The following GNA14 variants were observed in gnomAD, a reference collection of about 807,000 sequenced individuals.
The protein encoded by GNA14 is guanine nucleotide-binding protein subunit alpha-14.
A neutral mutation model predicts 42.0 loss-of-function variants in GNA14; 50 were observed. That is an observed-to-expected ratio of 1.19 (90% CI 0.95 to 1.51). The LOEUF (loss-of-function observed/expected upper bound fraction) is 1.51. GNA14 is among the 40% of genes most tolerant of loss of function. The probability of loss-of-function intolerance (pLI) is 0.00; values close to 1 mark genes in which losing one functional copy is unlikely to be tolerated. For synonymous variants in GNA14, 173 were observed against 163.1 expected (o/e 1.06, Z -0.46); for missense variants, 473 against 446.2 (o/e 1.06, Z -0.54).
At chr9:77,487,810 G>A (rs903814537) in intron 2 of GNA14, among the ~76,000 whole-genome samples, 1 of 152,182 alleles carries the variant, frequency 6.6e-6, no homozygotes, top group Non-Finnish European at 1.5e-5. Context: ...GCCATCCTGA[G>A]CATGATCTAG....
At chr9:77,518,348 C>T (rs551149122) in intron 2 of GNA14, among the ~76,000 whole-genome samples, 33 of 152,276 alleles carry the variant, frequency 2.2e-4, no homozygotes, top group South Asian at 1.0e-3. Flanking sequence ...GGGCTCCACA[C>T]ATCAGTGAAT....
intron 2 of GNA14, among the ~76,000 whole-genome samples, chr9:77,458,512 C>T (rs1564020313): frequency 6.6e-6 from 1 of 152,166 alleles, no homozygotes; most frequent in Non-Finnish European, 1.5e-5. Context: ...GCCCAGATAT[C>T]AAAGTCTCAT....
intron 1 of GNA14, among the ~76,000 whole-genome samples, chr9:77,552,102 T>G (rs2131782570): frequency 7.3e-6 from 1 of 136,978 alleles, no homozygotes; most frequent in East Asian, 2.1e-4. Context: ...ATCAAGCCTT[T>G]GCAGCAGGAG....
In GNA14 at chr9:77,622,731, C is replaced by CAAAAAAAA. The variant is rs71503227; in HGVS notation, c.124+24931_124+24938dup. Among the ~76,000 whole-genome samples the CAAAAAAAA allele has an allele frequency of 1.3e-3, 156 of 122,770 alleles. 3 individuals carry two copies. The highest frequency in any genetic ancestry group is 4.5e-3 in the African/African-American group (143 of 31,850). The allele number at this position is 122,770 out of a possible 152,430, so 80.5% of individuals were successfully genotyped here. On this transcript the variant is annotated intron_variant, in intron 1 of 6. Transcript: ENST00000341700. ...GAAAACCCCGTCTCTACTAAAAATA[C>CAAAAAAAA]AAAAAAAAGAAAAATAGCCAGGCGT... is the stretch of plus-strand genomic sequence containing the variant.
chr9:77,452,573 T>TG (rs2131705133), intron 2 of GNA14, among the ~76,000 whole-genome samples: 4 of 101,108 alleles, frequency 4.0e-5, no homozygotes, highest in Non-Finnish European at 3.9e-5. Flanking sequence ...TGTGTGTGTA[T>TG]GTGCATGTGT....
intron 1 of GNA14, among the ~76,000 whole-genome samples, chr9:77,543,310 C>T (rs1443592772): frequency 2.0e-5 from 3 of 152,188 alleles, no homozygotes; most frequent in Non-Finnish European, 2.9e-5. Context: ...TTATGGGTTT[C>T]TCACGTCTTA....
Position 77,424,050 on chromosome 9 carries a change from T to C in GNA14, c.997A>G (p.Ile333Val), listed in dbSNP as rs1835414755. 1 of 1,611,422 alleles carries C rather than the reference T, an allele frequency of 6.2e-7. No individual in the cohort carries two copies. Among genetic ancestry groups the C allele is most frequent in the South Asian group, 1.1e-5 (1 of 90,430 alleles). The change falls in exon 7 of 7, where the codon ATT becomes GTT. Residue 333 changes from isoleucine to valine, a missense_variant. By Grantham distance (29) the Ile-to-Val change is conservative (BLOSUM62 3). Transcript: ENST00000341700. ...HFTCATDTDN[I>V]RFVFAAVKDT... ...TTGACAGCAGCAAACACAAAGCGAA[T>C]ATTGTCTGTATCTGTAGCACATGTG...
chr9:77,597,412 A>G (rs546579646), intron 1 of GNA14, among the ~76,000 whole-genome samples: 24 of 152,286 alleles, frequency 1.6e-4, no homozygotes, highest in African/African-American at 5.5e-4. Flanking sequence ...CCTTGAGTGG[A>G]CACAGTATAA....
At chr9:77,646,664 G>C (rs764066052) in intron 1 of GNA14, among the ~76,000 whole-genome samples, 6 of 152,156 alleles carry the variant, frequency 3.9e-5, no homozygotes, top group Non-Finnish European at 8.8e-5. Context: ...TGTTCAAAAG[G>C]GGTGAAAGAA....
chr9:77,645,823 T>G (rs1587860052), intron 1 of GNA14, among the ~76,000 whole-genome samples: 1 of 152,318 alleles, frequency 6.6e-6, no homozygotes, highest in East Asian at 1.9e-4. Flanking sequence ...ACACTGTACT[T>G]CATACATTGA....
At chr9:77,639,046 A>T (rs1482952467) in intron 1 of GNA14, among the ~76,000 whole-genome samples, 1 of 152,230 alleles carries the variant, frequency 6.6e-6, no homozygotes, top group East Asian at 1.9e-4. Flanking sequence ...CACTGTCTGA[A>T]AGCTTACATT....
chr9:77,488,597 C>A (rs1485662794), intron 2 of GNA14, among the ~76,000 whole-genome samples: 1 of 151,936 alleles, frequency 6.6e-6, no homozygotes, highest in East Asian at 1.9e-4. Flanking sequence ...GTGAGCCTTC[C>A]CATACTACTA....
At chr9:77,495,063 G>A (rs1836848889) in intron 2 of GNA14, among the ~76,000 whole-genome samples, 1 of 152,178 alleles carries the variant, frequency 6.6e-6, no homozygotes, top group Non-Finnish European at 1.5e-5. Context: ...GCCTCCCAAA[G>A]TGCTGAGATT....
At chr9:77,437,463 T>A (rs1835656941) in intron 2 of GNA14, among the ~76,000 whole-genome samples, 1 of 151,738 alleles carries the variant, frequency 6.6e-6, no homozygotes, top group Non-Finnish European at 1.5e-5. Flanking sequence ...GGAGTATTGC[T>A]TGAACCCAGG....
intron 2 of GNA14, chr9:77,517,585 CTTTTCTTTTTTTTTTTTTTT>C (rs1587812698): frequency 2.0e-5 from 1 of 48,810 alleles, no homozygotes; most frequent in African/African-American, 7.9e-5. Flanking sequence ...TATCCTGGTA[CTTTTCTTTTTTTTTTTTTTT>C]TTTTTTTTTT....
intron 1 of GNA14, among the ~76,000 whole-genome samples, chr9:77,589,799 C>T (rs1261598380): frequency 6.6e-6 from 1 of 152,194 alleles, no homozygotes. Flanking sequence ...ATACCAAGAC[C>T]TTGACTTCCT....
At chr9:77,569,575 G>C (rs146963028) in intron 1 of GNA14, among the ~76,000 whole-genome samples, 1 of 152,146 alleles carries the variant, frequency 6.6e-6, no homozygotes, top group African/African-American at 2.4e-5. Flanking sequence ...ACTCGGTATA[G>C]TGAGTTCCAC....
chr9:77,450,424 A>C (rs61332235), intron 2 of GNA14, among the ~76,000 whole-genome samples: 13,231 of 152,168 alleles, frequency 0.087, 900 homozygotes, highest in African/African-American at 0.19. Flanking sequence ...TACATGCCGC[A>C]TCAAAGGAAT....
intron 2 of GNA14, among the ~76,000 whole-genome samples, chr9:77,440,587 A>G (rs1335383669): frequency 6.6e-6 from 1 of 152,168 alleles, no homozygotes; most frequent in Non-Finnish European, 1.5e-5. Flanking sequence ...ATGGCTTACA[A>G]TTTGGTGTTT....
Sources: allele counts gnomAD v4.1 joint callset (sites outside exome capture counted in the v4.1 genomes callset), GRCh38; gene constraint gnomAD v4.1.1; transcripts MANE v1.5; gene names NCBI Gene and HGNC (gene_info 2026-07-23, HGNC 2026-07-21).